Variants in DCC observed in about 807,000 individuals in gnomAD.
DCC encodes DCC netrin 1 receptor, also known as netrin receptor DCC.
In DCC, 58 loss-of-function variants were observed where a neutral mutation model predicts 172.5. The observed-to-expected ratio is 0.34, with a 90% CI of 0.27 to 0.42. The LOEUF is 0.42. Ranked by LOEUF, DCC falls within the 10% of genes least tolerant of loss-of-function variation. The pLI is 1.00. For synonymous variants in DCC, 709 were observed against 644.5 expected, an observed-to-expected ratio of 1.10 and a Z score of -1.52; for missense variants, 1,740 against 1,791.0, an observed-to-expected ratio of 0.97 and a Z score of 0.51.
chr18:53,472,932 C>T (rs1398795294), intron 25 of DCC, among the ~76,000 whole-genome samples: 1 of 152,154 alleles, frequency 6.6e-6, no homozygotes, highest in Non-Finnish European at 1.5e-5. Flanking sequence ...CTTATATGTA[C>T]CCAGACTCAT....
chr18:53,374,253 C>A (rs1029191697), intron 15 of DCC, among the ~76,000 whole-genome samples: 1 of 152,104 alleles, frequency 6.6e-6, no homozygotes, highest in Non-Finnish European at 1.5e-5. Context: ...CATTGGACAG[C>A]AATAATACAG....
At position 53,403,118 on chromosome 18, in the gene DCC, ACG is replaced by A. The variant is rs1235441170; in HGVS notation, c.2935+226_2935+227del. On this transcript the variant is annotated intron_variant, in intron 19 of 28. Transcript: ENST00000442544. ...CACACACACACACACACACACACAC[ACG>A]TCATTTGATTTGCTTCACGAAAGAT... 3.2e-5 allele frequency among the ~76,000 whole-genome samples: 4 copies of A among 125,722 alleles called. No homozygotes were observed. In the Admixed American group the frequency reaches 3.3e-4, roughly 10 times the overall value. 82.5% of individuals were successfully genotyped at this position (125,722 alleles called of 152,430 possible). A position where few individuals can be genotyped will look rare whatever the true frequency, so the allele number is the denominator to read the frequency against.
chr18:52,415,906 G>A lies in DCC; in HGVS notation c.91+75028G>A, dbSNP rs140311128. On this transcript the variant is annotated intron_variant, in intron 1 of 28. Coordinates refer to ENST00000442544, the MANE Select transcript of DCC (RefSeq NM_005215.4). ...ACTCTGATTTTAGTTATTTCTTGCC[G>A]TCTGCTAGCTTTTGAATATGTTTGC... is the stretch of plus-strand genomic sequence containing the variant. Among the ~76,000 whole-genome samples, 365 of 147,784 alleles carry A rather than the reference G, an allele frequency of 2.5e-3. 1 individual carries two copies. Among genetic ancestry groups the A allele is most frequent in the Non-Finnish European group, 4.3e-3 (288 of 66,550 alleles).
chr18:52,660,111 T>G (rs1034604400), intron 1 of DCC, among the ~76,000 whole-genome samples: 6 of 152,170 alleles, frequency 3.9e-5, no homozygotes, highest in Non-Finnish European at 7.3e-5. Context: ...TTCAATGTTC[T>G]TTCTACTACA....
chr18:53,465,921 CTCCCGGCTAATTTTT>C (rs1168948882), intron 24 of DCC, among the ~76,000 whole-genome samples: 1 of 152,020 alleles, frequency 6.6e-6, no homozygotes, highest in Non-Finnish European at 1.5e-5. Flanking sequence ...TATGCCACCA[CTCCCGGCTAATTTTT>C]TGTATTTTTA....
At chr18:52,454,662 A>T (rs1233144754) in intron 1 of DCC, among the ~76,000 whole-genome samples, 1 of 152,100 alleles carries the variant, frequency 6.6e-6, no homozygotes, top group Non-Finnish European at 1.5e-5. Flanking sequence ...ACTTGAATTT[A>T]TTGATAATTA....
chr18:52,500,960 A>G (rs1227052011), intron 1 of DCC, among the ~76,000 whole-genome samples: 1 of 152,198 alleles, frequency 6.6e-6, no homozygotes, highest in Non-Finnish European at 1.5e-5. Context: ...TAAGATGGTC[A>G]ATATTTTTTC....
chr18:52,459,054 T>C (rs981312964), intron 1 of DCC, among the ~76,000 whole-genome samples: 2 of 150,568 alleles, frequency 1.3e-5, no homozygotes, highest in Admixed American at 6.6e-5. Context: ...AAATTAGTTC[T>C]TTTTTTTTGC....
At chr18:53,418,001 G>A (rs983921848) in intron 21 of DCC, among the ~76,000 whole-genome samples, 1 of 152,018 alleles carries the variant, frequency 6.6e-6, no homozygotes, top group Non-Finnish European at 1.5e-5. Context: ...TAGTTCTCAG[G>A]AACAAAAGGA....
intron 7 of DCC, among the ~76,000 whole-genome samples, chr18:53,136,482 A>G (rs1426332452): frequency 6.6e-6 from 1 of 152,144 alleles, no homozygotes; most frequent in Non-Finnish European, 1.5e-5. Context: ...TAGCCTATCT[A>G]CCTTATGTGG....
intron 2 of DCC, among the ~76,000 whole-genome samples, chr18:52,887,318 T>A (rs11660161): frequency 0.26 from 39,925 of 151,562 alleles, 5,444 homozygotes; most frequent in Admixed American, 0.33. Context: ...TTTTTTTTTT[T>A]AAACTATCAT....
chr18:52,494,646 A>G (rs1017193535), intron 1 of DCC, among the ~76,000 whole-genome samples: 5 of 151,904 alleles, frequency 3.3e-5, no homozygotes, highest in Non-Finnish European at 7.4e-5. Flanking sequence ...TATGTTTTAG[A>G]GCTTCAGCAT....
chr18:52,933,906 T>G lies in DCC; in HGVS notation c.985+8536T>G, dbSNP rs570198287. On this transcript the variant is annotated intron_variant, in intron 5 of 28. Transcript: ENST00000442544. ...ATAATTACTTTATCATAGGATTTGG[T>G]GTCCGTTTGAGTGTGAAAAGTAGAG... 2.0e-5 allele frequency among the ~76,000 whole-genome samples: 3 copies of G among 152,132 alleles called. No homozygotes were observed. The South Asian group carries it at 6.2e-4, about 32-fold the overall frequency.
At chr18:52,779,577 A>G (rs1004747534) in intron 2 of DCC, among the ~76,000 whole-genome samples, 1 of 152,178 alleles carries the variant, frequency 6.6e-6, no homozygotes, top group Admixed American at 6.5e-5. Context: ...GGTTAGTTCC[A>G]AGTCTTTGCT....
intron 1 of DCC, among the ~76,000 whole-genome samples, chr18:52,745,065 A>G (rs1207895329): frequency 6.6e-6 from 1 of 152,202 alleles, no homozygotes; most frequent in Non-Finnish European, 1.5e-5. Flanking sequence ...GGGCCCAAAC[A>G]GTGTGCTGGT....
chr18:52,952,983 G>A (rs1236164771), intron 5 of DCC, among the ~76,000 whole-genome samples: 1 of 102,632 alleles, frequency 9.7e-6, no homozygotes, highest in Admixed American at 1.6e-4. Context: ...GGGCACCACA[G>A]TAAGACTCTC....
At chr18:53,287,018 G>A (rs879676772) in intron 12 of DCC, among the ~76,000 whole-genome samples, 5 of 151,332 alleles carry the variant, frequency 3.3e-5, no homozygotes, top group Admixed American at 6.6e-5. Context: ...CTTCACATGT[G>A]GTATTTAATT....
At chr18:52,467,371 C>T (rs895025627) in intron 1 of DCC, among the ~76,000 whole-genome samples, 6 of 144,582 alleles carry the variant, frequency 4.1e-5, no homozygotes, top group East Asian at 2.0e-4. Flanking sequence ...GCAAAGGACA[C>T]GAACTCATCC....
chr18:53,351,352 CAGTAT>C (rs2057798981), intron 15 of DCC, among the ~76,000 whole-genome samples: 3 of 47,834 alleles, frequency 6.3e-5, no homozygotes, highest in Non-Finnish European at 1.7e-4. Context: ...TATATATACA[CAGTAT>C]ATATATATAC....
Sources: gnomAD v4.1 joint callset for allele counts (sites outside exome capture counted in the v4.1 genomes callset) on GRCh38, gnomAD v4.1.1 for gene constraint, MANE v1.5 for transcripts, NCBI Gene and HGNC (gene_info 2026-07-23, HGNC 2026-07-21) for gene names.